KATNAL2: variants seen among roughly 807,000 people sequenced by gnomAD.
KATNAL2 encodes the protein katanin p60 ATPase-containing subunit A-like 2.
KATNAL2 carries 52 observed loss-of-function variants against 76.3 expected under a neutral mutation model. The observed-to-expected ratio is 0.68, with a 90% CI of 0.55 to 0.86. The LOEUF (loss-of-function observed/expected upper bound fraction) is 0.86. Ranked by LOEUF, KATNAL2 falls within the 40% of genes least tolerant of loss-of-function variation. The pLI is 0.00. For missense variants in KATNAL2, 660 were observed against 668.9 expected (o/e 0.99, Z 0.15); for synonymous variants, 243 against 244.2 (o/e 1.00, Z 0.05).
At chr18:47,071,806 C>A (rs2062010594) in intron 13 of KATNAL2, among the ~76,000 whole-genome samples, 1 of 150,616 alleles carries the variant, frequency 6.6e-6, no homozygotes, top group Non-Finnish European at 1.5e-5. Context: ...CCTGTGTGAG[C>A]ATTGTATTTA....
intron 3 of KATNAL2, chr18:47,032,954 G>A (rs1388139154): frequency 1.1e-5 from 18 of 1,613,068 alleles, no homozygotes; most frequent in Non-Finnish European, 1.5e-5. Flanking sequence ...CATTGACTTT[G>A]CCAATGCAAA....
At chr18:46,930,266 T>C (rs751213142) in intron 1 of KATNAL2, among the ~76,000 whole-genome samples, 3 of 152,208 alleles carry the variant, frequency 2.0e-5, no homozygotes, top group Non-Finnish European at 4.4e-5. Context: ...AGAACTCTGT[T>C]GTCTTCTTTC....
chr18:47,091,234 C>G (rs912606504), intron 15 of KATNAL2: 2 of 149,508 alleles, frequency 1.3e-5, no homozygotes, highest in Non-Finnish European at 2.9e-5. Context: ...AGATGTAAAC[C>G]GTGGAAGTGG....
chr18:47,091,608 C>A (rs953858494), intron 15 of KATNAL2, among the ~76,000 whole-genome samples: 2 of 152,154 alleles, frequency 1.3e-5, no homozygotes, highest in Non-Finnish European at 2.9e-5. Context: ...ATTCATCAGG[C>A]CTGGCTGTCA....
At chr18:47,056,819 C>A (rs1235700820) in intron 6 of KATNAL2, among the ~76,000 whole-genome samples, 1 of 131,108 alleles carries the variant, frequency 7.6e-6, no homozygotes, top group Admixed American at 8.6e-5. Context: ...CACACACACA[C>A]AAACACATAA....
At chr18:47,031,026 C>G (rs1569041774) in intron 3 of KATNAL2, among the ~76,000 whole-genome samples, 9 of 44,988 alleles carry the variant, frequency 2.0e-4, no homozygotes, top group Non-Finnish European at 3.5e-4. Flanking sequence ...CCCCCCCCCC[C>G]CGCCCCCAAC....
chr18:47,097,537 G>A (rs1210308627), intron 15 of KATNAL2, among the ~76,000 whole-genome samples: 2 of 152,174 alleles, frequency 1.3e-5, no homozygotes, highest in Non-Finnish European at 2.9e-5. Context: ...TGTATCACAA[G>A]GAAATCATCA....
At position 47,080,365 on chromosome 18, in the gene KATNAL2, A is replaced by G. The variant is rs189002272; in HGVS notation, c.1211+2904A>G. Among the ~76,000 whole-genome samples the G allele has an allele frequency of 3.5e-3, 540 of 152,254 alleles. 2 individuals carry two copies. The highest frequency in any genetic ancestry group is 0.013 in the African/African-American group (521 of 41,528). Reference sequence around the variant, plus strand: ...TCACCCATTTAGAGTATACGATTCAATGGTTTTGAGTGTATTTAGGGTTGT... The same window carrying G: ...TCACCCATTTAGAGTATACGATTCAGTGGTTTTGAGTGTATTTAGGGTTGT... On this transcript the variant is annotated intron_variant, in intron 15 of 17. Transcript: ENST00000683218.
chr18:47,043,292 G>A (rs1410233841), intron 3 of KATNAL2, among the ~76,000 whole-genome samples: 1 of 147,106 alleles, frequency 6.8e-6, no homozygotes, highest in Non-Finnish European at 1.5e-5. Context: ...TACATGCAAA[G>A]GATCAGGAAT....
intron 11 of KATNAL2, among the ~76,000 whole-genome samples, chr18:47,067,771 A>G (rs2061858591): frequency 1.3e-5 from 2 of 152,258 alleles, no homozygotes; most frequent in Admixed American, 6.5e-5. Context: ...GTGCCTTAAG[A>G]CAACAATTTA....
At chr18:47,070,670 C>T (rs1328791407) in intron 13 of KATNAL2, among the ~76,000 whole-genome samples, 1 of 151,990 alleles carries the variant, frequency 6.6e-6, no homozygotes, top group Admixed American at 6.6e-5. Flanking sequence ...AATTACATTC[C>T]CTTAGATGAC....
chr18:46,939,402 C>G (rs1400127948), intron 1 of KATNAL2, among the ~76,000 whole-genome samples: 1 of 151,608 alleles, frequency 6.6e-6, no homozygotes. Flanking sequence ...GGGATGTCAT[C>G]TCAGTGGTAA....
At chr18:46,958,187 T>G (rs2059822411) in intron 3 of KATNAL2, among the ~76,000 whole-genome samples, 1 of 152,120 alleles carries the variant, frequency 6.6e-6, no homozygotes, top group South Asian at 2.1e-4. Flanking sequence ...GTCTTGAGTC[T>G]GGCTGCTTTT....
intron 15 of KATNAL2, among the ~76,000 whole-genome samples, chr18:47,083,408 A>G (rs1282496322): frequency 2.6e-5 from 4 of 152,212 alleles, no homozygotes; most frequent in East Asian, 1.9e-4. Context: ...AATTCCTTAC[A>G]GTTAGTGGCA....
intron 3 of KATNAL2, among the ~76,000 whole-genome samples, chr18:47,037,744 T>C (rs1034216550): frequency 6.6e-6 from 1 of 152,232 alleles, no homozygotes; most frequent in Admixed American, 6.5e-5. Context: ...TCTTACTGAA[T>C]TCTGAATTTT....
At chr18:46,942,479 TG>T (rs1274279891) in intron 1 of KATNAL2, among the ~76,000 whole-genome samples, 8 of 152,260 alleles carry the variant, frequency 5.3e-5, no homozygotes, top group African/African-American at 1.9e-4. Flanking sequence ...CCGGGCGTGG[TG>T]GTGCGTGCCT....
chr18:47,034,784 C>G (rs1269178201), intron 3 of KATNAL2: 1 of 1,612,378 alleles, frequency 6.2e-7, no homozygotes, highest in Non-Finnish European at 8.5e-7. Context: ...TCAGCTGGGG[C>G]TATTCTGGGG....
In KATNAL2 at chr18:47,077,333, C is replaced by G. The variant is rs772588581; in HGVS notation, c.1101-18C>G. The G allele has an allele frequency of 6.3e-7, 1 of 1,582,718 alleles. No individual in the cohort carries two copies. Among genetic ancestry groups the G allele is most frequent in the Admixed American group, 1.7e-5 (1 of 59,978 alleles). ...AAGGCTCTGACACTTAGGAGAATCA[C>G]GTCTTGTCTCTCTGTAGGGGAGAAC... is the stretch of plus-strand genomic sequence containing the variant. On this transcript the variant is annotated intron_variant, in intron 14 of 17. Coordinates refer to ENST00000683218, the MANE Select transcript of KATNAL2 (RefSeq NM_001387690.1).
intron 1 of KATNAL2, among the ~76,000 whole-genome samples, chr18:46,927,469 G>A (rs1232768363): frequency 6.6e-6 from 1 of 152,026 alleles, no homozygotes; most frequent in Non-Finnish European, 1.5e-5. Flanking sequence ...TAGTCTGATG[G>A]GCTTCCCTTT....
Sources: allele counts gnomAD v4.1 joint callset (sites outside exome capture counted in the v4.1 genomes callset), GRCh38; gene constraint gnomAD v4.1.1; transcripts MANE v1.5; gene names NCBI Gene and HGNC (gene_info 2026-07-23, HGNC 2026-07-21).